SATB1: variants seen among roughly 807,000 people sequenced by gnomAD.
The protein encoded by SATB1 is SATB homeobox 1.
Under a neutral mutation model 86.9 loss-of-function variants are expected in SATB1, and 11 were observed. The ratio of observed to expected loss-of-function variants is 0.13; its 90% CI spans 0.08 to 0.21. The LOEUF (loss-of-function observed/expected upper bound fraction) is 0.21, where lower values mean the gene tolerates loss of function less well. SATB1 is among the 10% of genes least tolerant of loss of function. SATB1 has a pLI of 1.00. For missense variants in SATB1, 551 were observed against 937.6 expected, an observed-to-expected ratio of 0.59 and a Z score of 5.39; for synonymous variants, 357 against 357.2, an observed-to-expected ratio of 1.00 and a Z score of 0.01.
At chr3:18,438,190 C>G (rs1304138123) in intron 1 of SATB1, among the ~76,000 whole-genome samples, 2 of 152,158 alleles carry the variant, frequency 1.3e-5, no homozygotes, top group Non-Finnish European at 2.9e-5. Context: ...CATTTACATG[C>G]TCTTAATGGC....
At chr3:18,417,996 G>A (rs765253405) in intron 2 of SATB1, among the ~76,000 whole-genome samples, 4 of 152,098 alleles carry the variant, frequency 2.6e-5, no homozygotes, top group Non-Finnish European at 5.9e-5. Flanking sequence ...TTGATATTAC[G>A]GAATGCTGTG....
chr3:18,361,555 C>A (rs1466148430), intron 9 of SATB1, among the ~76,000 whole-genome samples: 1 of 152,064 alleles, frequency 6.6e-6, no homozygotes, highest in Non-Finnish European at 1.5e-5. Context: ...ACCACATACC[C>A]AATCACCTAG....
rs140077828 is a variant in SATB1 at position 18,391,241 on chromosome 3, A to C, written c.1206+3221T>G. Among the ~76,000 whole-genome samples, 993 of 152,244 alleles carry C rather than the reference A, an allele frequency of 6.5e-3. 7 individuals carry two copies. Among genetic ancestry groups the C allele is most frequent in the African/African-American group, 0.023 (948 of 41,544 alleles). On this transcript the variant is annotated intron_variant, in intron 7 of 10. Coordinates refer to ENST00000338745, the MANE Select transcript of SATB1 (RefSeq NM_002971.6). The stretch of plus-strand genomic sequence containing the variant: ...GACCCAGGGTTTTAAAGTTATACAG[A>C]GCTTCAATGACTAAAATAACCCTCA...
chr3:18,355,915 A>G (rs925412551), intron 9 of SATB1, among the ~76,000 whole-genome samples: 7 of 152,058 alleles, frequency 4.6e-5, no homozygotes, highest in African/African-American at 1.7e-4. Context: ...CACTGCATAT[A>G]AAGAGGGCAA....
rs900529026 is a variant in SATB1 at position 18,445,371 on chromosome 3, C to G, written c.-25+147G>C. On this transcript the variant is annotated intron_variant, in intron 1 of 3. Coordinates refer to the SATB1 transcript ENST00000415069. ...GGCCGGGGTGTGGGGGGCGGCGGGC[C>G]GGAGGGGCGAGGGCGGGCCAGGGGG... 10 of 755,070 alleles carry G rather than the reference C, an allele frequency of 1.3e-5. No individual in the cohort carries two copies. The South Asian group carries it at 5.5e-4, about 41-fold the overall frequency. 46.8% of individuals were successfully genotyped at this position (755,070 alleles called of 1,614,324 possible). A position where few individuals can be genotyped will look rare whatever the true frequency, so the allele number is the denominator to read the frequency against.
chr3:18,424,778 C>A lies in SATB1; in HGVS notation c.-1176G>T, dbSNP rs1339855322. On this transcript the variant is annotated 5_prime_UTR_variant, in exon 1 of 11. It removes the in-frame stop codon of an upstream open reading frame in the 5' UTR. Transcript: ENST00000338745. ...ACCCAGAAACCCCGACAAAACTGAT[C>A]AGGAGTTTCCCGAAATGAAAGAGGG... is the stretch of plus-strand genomic sequence containing the variant. 6.6e-6 allele frequency: 1 copy of A among 152,470 alleles called. No individual in the cohort carries two copies. Among genetic ancestry groups the A allele is most frequent in the Non-Finnish European group, 1.5e-5 (1 of 68,286 alleles). The allele number at this position is 152,470 out of a possible 1,614,324, so 9.4% of individuals were successfully genotyped here. A position where few individuals can be genotyped will look rare whatever the true frequency, so the allele number is the denominator to read the frequency against.
At chr3:18,357,421 T>C (rs1029168888) in intron 9 of SATB1, among the ~76,000 whole-genome samples, 3 of 151,870 alleles carry the variant, frequency 2.0e-5, no homozygotes, top group Non-Finnish European at 2.9e-5. Flanking sequence ...AACAACTAAC[T>C]ATAAAGCTAG....
intron 5 of SATB1, among the ~76,000 whole-genome samples, chr3:18,404,661 G>T (rs976649503): frequency 2.6e-5 from 4 of 151,834 alleles, no homozygotes; most frequent in Admixed American, 6.6e-5. Flanking sequence ...GAAAATGTTG[G>T]TTCACAGTTT....
chr3:18,377,150 G>T (rs1575111311), intron 9 of SATB1, among the ~76,000 whole-genome samples: 2 of 152,278 alleles, frequency 1.3e-5, no homozygotes, highest in Non-Finnish European at 2.9e-5. Flanking sequence ...AGATTATTAT[G>T]TTACAAATAT....
At chr3:18,443,488 G>C (rs1699294377), upstream of SATB1, among the ~76,000 whole-genome samples, 1 of 152,242 alleles carries the variant, frequency 6.6e-6, no homozygotes, top group Non-Finnish European at 1.5e-5. This position sits in a 1 kb window ranked among gnomAD's most constrained non-coding sequence, Gnocchi z 4.4. Context: ...GACACTTTGA[G>C]AGAGGACCCT....
Position 18,420,899 on chromosome 3 carries a change from C to T in SATB1, c.69G>A (p.Pro23=), listed in dbSNP as rs145976997. The T allele has an allele frequency of 1.1e-5, 17 of 1,614,202 alleles. No homozygotes were observed. Among genetic ancestry groups the T allele is most frequent in the African/African-American group, 9.3e-5 (7 of 75,044 alleles). ...GGGCAATCTTGGCTGGTGGACCCTTCGGATCACTCACATTGTTAGACATTT... is the reference window on the plus strand; with the variant it reads ...GGGCAATCTTGGCTGGTGGACCCTTTGGATCACTCACATTGTTAGACATTT... ...HSEMSNNVSD[P]KGPPAKIARL... Residue 23 remains proline, a synonymous_variant, in exon 2 of 11, where the codon CCG becomes CCA. Transcript: ENST00000338745.
upstream of SATB1, among the ~76,000 whole-genome samples, chr3:18,428,092 C>A (rs1230181888): frequency 6.6e-6 from 1 of 152,100 alleles, no homozygotes; most frequent in East Asian, 1.9e-4. Context: ...TAACAGAATA[C>A]CTGAAATTGG....
At chr3:18,390,540 T>A (rs566338433) in intron 7 of SATB1, among the ~76,000 whole-genome samples, 1 of 152,186 alleles carries the variant, frequency 6.6e-6, no homozygotes, top group South Asian at 2.1e-4. Flanking sequence ...AATAGTGATA[T>A]GGATAGTGGA....
chr3:18,421,088 A>G, intron 1 of SATB1, 97 bp from the exon 2 acceptor site: 1 of 760,838 alleles, frequency 1.3e-6, no homozygotes, highest in East Asian at 2.5e-5. Context: ...ATATCTCTCC[A>G]CAAATATAAT....
chr3:18,376,453 T>C (rs1695759977), intron 9 of SATB1, among the ~76,000 whole-genome samples: 1 of 151,554 alleles, frequency 6.6e-6, no homozygotes, highest in Non-Finnish European at 1.5e-5. Context: ...TTATTACTGA[T>C]GATCGGACAG....
chr3:18,441,322 AC>A (rs1457375649), upstream of SATB1, among the ~76,000 whole-genome samples: 6 of 152,154 alleles, frequency 3.9e-5, no homozygotes, highest in Non-Finnish European at 5.9e-5. Context: ...TAAAATAAGA[AC>A]CCATCTTATC....
chr3:18,345,388 A>AATT lies in SATB1; in HGVS notation c.*3779_*3781dup, dbSNP rs1402692889. On this transcript the variant is annotated 3_prime_UTR_variant, in exon 11 of 11. Coordinates refer to ENST00000338745, the MANE Select transcript of SATB1 (RefSeq NM_002971.6). ...AAATGTGGCTCATCTTTTAAACATT[A>AATT]ATTTCAAACTATTTTTATTTAACAT... 6.6e-6 allele frequency: 1 copy of AATT among 152,100 alleles called. No individual in the cohort carries two copies. Among genetic ancestry groups the AATT allele is most frequent in the Non-Finnish European group, 1.5e-5 (1 of 67,938 alleles). The allele number at this position is 152,100 out of a possible 1,614,324, so 9.4% of individuals were successfully genotyped here.
chr3:18,424,937 T>C lies in SATB1; in HGVS notation c.-1335A>G, dbSNP rs376337961. Reference sequence around the variant, plus strand: ...GGCACAGGGAGAGGTGTGTGTGTGTTTGTGTGTGTGCGTGAGTGTGAGCGC... The same window carrying C: ...GGCACAGGGAGAGGTGTGTGTGTGTCTGTGTGTGTGCGTGAGTGTGAGCGC... On this transcript the variant is annotated 5_prime_UTR_variant, in exon 1 of 11. Coordinates refer to ENST00000338745, the MANE Select transcript of SATB1 (RefSeq NM_002971.6). 1.3e-5 allele frequency: 2 copies of C among 151,912 alleles called. No homozygotes were observed. Among genetic ancestry groups the C allele is most frequent in the Non-Finnish European group, 2.8e-5 (2 of 70,230 alleles). 9.4% of individuals were successfully genotyped at this position (151,912 alleles called of 1,614,324 possible). A position where few individuals can be genotyped will look rare whatever the true frequency, so the allele number is the denominator to read the frequency against.
At chr3:18,413,576 A>G (rs1016150803) in intron 5 of SATB1, among the ~76,000 whole-genome samples, 31 of 152,242 alleles carry the variant, frequency 2.0e-4, no homozygotes, top group African/African-American at 6.7e-4. Context: ...AAGTCCCTGA[A>G]GTAAGAGTCA....
Sources: gnomAD v4.1 joint callset for allele counts (sites outside exome capture counted in the v4.1 genomes callset) on GRCh38, gnomAD v4.1.1 for gene constraint, Gnocchi (gnomAD v3.1) non-coding constraint, MANE v1.5 for transcripts, NCBI Gene and HGNC (gene_info 2026-07-23, HGNC 2026-07-21) for gene names.